The following CYB5B variants were observed in gnomAD, a reference collection of about 807,000 sequenced individuals.
The protein encoded by CYB5B is cytochrome b5 type B (outer mitochondrial membrane).
CYB5B carries 14 observed loss-of-function variants against 21.3 expected under a neutral mutation model. The ratio of observed to expected loss-of-function variants is 0.66; its 90% CI spans 0.43 to 1.03. The LOEUF (loss-of-function observed/expected upper bound fraction) is 1.03, where lower values mean the gene tolerates loss of function less well. CYB5B is among the 50% of genes least tolerant of loss of function. The probability of loss-of-function intolerance (pLI) is 0.00; values close to 1 mark genes in which losing one functional copy is unlikely to be tolerated. For missense variants in CYB5B, 166 were observed against 185.1 expected (o/e 0.90, Z 0.60); for synonymous variants, 69 against 68.4 (o/e 1.01, Z -0.04).
chr16:69,461,858 C>G (rs2015038501), intron 4 of CYB5B, among the ~76,000 whole-genome samples: 1 of 152,122 alleles, frequency 6.6e-6, no homozygotes. Context: ...GGGTGCAAAG[C>G]TTATATTTCC....
At chr16:69,459,591 T>G in intron 4 of CYB5B, 1 of 153,870 alleles carries the variant, frequency 6.5e-6, no homozygotes, top group Non-Finnish European at 1.4e-5. Context: ...TTATTTACAA[T>G]ATATTCCTTG....
chr16:69,439,225 C>T (rs1366215651), intron 1 of CYB5B, among the ~76,000 whole-genome samples: 4 of 152,144 alleles, frequency 2.6e-5, no homozygotes, highest in Non-Finnish European at 2.9e-5. Context: ...ACTGTTCTTT[C>T]CTCCACTGAA....
chr16:69,442,323 G>A (rs550635227), intron 1 of CYB5B, among the ~76,000 whole-genome samples: 22 of 151,766 alleles, frequency 1.4e-4, no homozygotes, highest in Non-Finnish European at 3.1e-4. Context: ...CCCTTTCTCT[G>A]CCTCTCATTT....
rs1248562800 is a variant in CYB5B at position 69,424,791 on chromosome 16, C to A, written c.108C>A (p.Asn36Lys). Residue 36 changes from asparagine to lysine, a missense_variant, in exon 1 of 5, where the codon AAC becomes AAA. Asn to Lys is a moderately conservative substitution (Grantham distance 94). Coordinates refer to ENST00000307892, the MANE Select transcript of CYB5B (RefSeq NM_030579.3). The part of the protein sequence containing the change: ...YYRLEEVAKR[N>K]SLKELWLVIH... ...GGTTGGAGGAGGTGGCAAAGCGCAA[C>A]TCCTTGAAGGAACTGTGGCTTGTGA... 1 of 1,609,478 alleles carries A rather than the reference C, an allele frequency of 6.2e-7. No individual in the cohort carries two copies. Among genetic ancestry groups the A allele is most frequent in the Non-Finnish European group, 8.5e-7 (1 of 1,177,810 alleles).
chr16:69,441,888 C>T (rs1339002835), intron 1 of CYB5B, among the ~76,000 whole-genome samples: 1 of 152,124 alleles, frequency 6.6e-6, no homozygotes. Flanking sequence ...CTAATTTTCC[C>T]TGGATAGTAT....
At chr16:69,457,191 T>C (rs2014991750) in intron 3 of CYB5B, among the ~76,000 whole-genome samples, 1 of 152,236 alleles carries the variant, frequency 6.6e-6, no homozygotes. Flanking sequence ...GTCTTTGTTC[T>C]CTTTCTTCTT....
rs371820535 is a variant in CYB5B, at chr16:69,456,014, A to G, written c.334-3079A>G. 3.3e-5 allele frequency among the ~76,000 whole-genome samples: 5 copies of G among 152,318 alleles called. 1 individual carries two copies. The East Asian group carries it at 7.7e-4, about 23-fold the overall frequency. ...TTACAAACGAGGAAACTGATTTATA[A>G]CATTGGGCTTGAAGATATTAGATAT... On this transcript the variant is annotated intron_variant, in intron 3 of 4. Transcript: ENST00000307892.
chr16:69,455,402 T>C (rs1047157386), intron 3 of CYB5B, among the ~76,000 whole-genome samples: 26 of 61,576 alleles, frequency 4.2e-4, no homozygotes, highest in African/African-American at 2.3e-3. Context: ...GTTGTTCTCT[T>C]TTTTTTTTTT....
chr16:69,459,187 G>GTA, intron 4 of CYB5B, 66 bp downstream of exon 4: 1 of 1,554,416 alleles, frequency 6.4e-7, no homozygotes. Flanking sequence ...TCTTCCATAA[G>GTA]TATATGTATG....
intron 4 of CYB5B, chr16:69,459,405 A>C (rs2015012131): frequency 6.1e-6 from 2 of 326,898 alleles, no homozygotes; most frequent in Admixed American, 4.8e-5. Flanking sequence ...ATGCATGGAC[A>C]GGTAGCTACT....
In CYB5B at chr16:69,464,527, G is replaced by A. The variant is rs923735396; in HGVS notation, c.*2007G>A. 1 of 152,216 alleles carries A rather than the reference G, an allele frequency of 6.6e-6. No individual in the cohort carries two copies. Among genetic ancestry groups the A allele is most frequent in the Non-Finnish European group, 1.5e-5 (1 of 68,042 alleles). 9.4% of individuals were successfully genotyped at this position (152,216 alleles called of 1,614,324 possible). ...TACATTGGGGTAAAAGTAAAGAACA[G>A]AGGAGTATTGAGGAGCTTGAAAGGG... On this transcript the variant is annotated 3_prime_UTR_variant, in exon 5 of 5. Transcript: ENST00000307892.
intron 1 of CYB5B, among the ~76,000 whole-genome samples, chr16:69,434,906 A>G (rs1278845221): frequency 2.0e-5 from 3 of 150,936 alleles, no homozygotes; most frequent in Non-Finnish European, 2.9e-5. Context: ...GTGTAATGGT[A>G]TATAATTGTG....
At chr16:69,459,244 C>T (rs2015010595) in intron 4 of CYB5B, 123 bp downstream of exon 4, 3 of 1,166,812 alleles carry the variant, frequency 2.6e-6, no homozygotes, top group Non-Finnish European at 3.5e-6. Flanking sequence ...TTTTTTGGCC[C>T]AAATCATTGC....
At position 69,456,836 on chromosome 16, in the gene CYB5B, T is replaced by G. The variant is rs140051093; in HGVS notation, c.334-2257T>G. Among the ~76,000 whole-genome samples the G allele has an allele frequency of 5.0e-3, 755 of 152,298 alleles. 7 individuals are homozygous for G. The highest frequency in any genetic ancestry group is 0.017 in the African/African-American group (722 of 41,556). On this transcript the variant is annotated intron_variant, in intron 3 of 4. Transcript: ENST00000307892. ...TATGTGTTAATAGAACTTTTTTCAT[T>G]TCAGTTTAAAAACAAGCGATTTGGT...
rs148777570 is a variant in CYB5B, at chr16:69,452,008, G to A, written c.333+3864G>A. ...CTGAGACTTTTAGTTCCCCTTCCCT[G>A]GAGGTAACCAGCCATCATTTTTTTG... is the stretch of plus-strand genomic sequence containing the variant. On this transcript the variant is annotated intron_variant, in intron 3 of 4. Coordinates refer to ENST00000307892, the MANE Select transcript of CYB5B (RefSeq NM_030579.3). Among the ~76,000 whole-genome samples, 428 of 150,536 alleles carry A rather than the reference G, an allele frequency of 2.8e-3. 1 individual carries two copies. Among genetic ancestry groups the A allele is most frequent in the African/African-American group, 0.01 (409 of 40,892 alleles).
chr16:69,448,103 T>A lies in CYB5B; in HGVS notation c.304-12T>A, dbSNP rs1240053640. ...TGTCTTAAAATATTATTTGTTTTCC[T>A]TTTTTTGACAGAGTGACCTTAAACC... On this transcript the variant is annotated splice_polypyrimidine_tract_variant and intron_variant, in intron 2 of 4. Coordinates refer to ENST00000307892, the MANE Select transcript of CYB5B (RefSeq NM_030579.3). 1 of 1,606,478 alleles carries A rather than the reference T, an allele frequency of 6.2e-7. No individual in the cohort carries two copies. Among genetic ancestry groups the A allele is most frequent in the Non-Finnish European group, 8.5e-7 (1 of 1,177,346 alleles).
intron 4 of CYB5B, chr16:69,459,332 C>T (rs2015011630): frequency 5.5e-6 from 3 of 543,390 alleles, no homozygotes; most frequent in Non-Finnish European, 9.2e-6. Flanking sequence ...AAGTTTCATG[C>T]CTTGAGTCAT....
chr16:69,452,612 G>A lies in CYB5B; in HGVS notation c.333+4468G>A, dbSNP rs914284973. ...TTGAACCTGGGAGGCACAGGTTGCA[G>A]TGAGCCAAGATTGTGCCAGTGCACT... On this transcript the variant is annotated intron_variant, in intron 3 of 4. Transcript: ENST00000307892. Among the ~76,000 whole-genome samples the A allele has an allele frequency of 2.0e-5, 3 of 152,232 alleles. No individual in the cohort carries two copies. The East Asian group carries it at 5.8e-4, about 29-fold the overall frequency.
At chr16:69,454,503 C>T (rs1371294074) in intron 3 of CYB5B, among the ~76,000 whole-genome samples, 1 of 152,088 alleles carries the variant, frequency 6.6e-6, no homozygotes. Context: ...GTAAAATGAA[C>T]CTAATATTAA....
Sources: gnomAD v4.1 joint callset for allele counts (sites outside exome capture counted in the v4.1 genomes callset) on GRCh38, gnomAD v4.1.1 for gene constraint, MANE v1.5 for transcripts, NCBI Gene and HGNC (gene_info 2026-07-23, HGNC 2026-07-21) for gene names.